Variants in DLG2 observed in about 807,000 individuals in gnomAD.
The protein encoded by DLG2 is disks large homolog 2.
Under a neutral mutation model 132.5 loss-of-function variants are expected in DLG2, and 45 were observed. The observed-to-expected ratio is 0.34, with a 90% CI of 0.27 to 0.44. The LOEUF (loss-of-function observed/expected upper bound fraction) is 0.44. DLG2 is among the 20% of genes least tolerant of loss of function. DLG2 has a pLI of 1.00. For missense variants in DLG2, 1,045 were observed against 1,196.9 expected (o/e 0.87, Z 1.87); for synonymous variants, 424 against 419.6 (o/e 1.01, Z -0.13).
At chr11:84,303,588 A>G (rs1270911718) in intron 7 of DLG2, among the ~76,000 whole-genome samples, 1 of 152,216 alleles carries the variant, frequency 6.6e-6, no homozygotes, top group Non-Finnish European at 1.5e-5. Context: ...GTAAGATCAA[A>G]ATTTTTGTCC....
At chr11:85,426,889 G>C (rs1452143230) in intron 3 of DLG2, among the ~76,000 whole-genome samples, 1 of 152,132 alleles carries the variant, frequency 6.6e-6, no homozygotes, top group Admixed American at 6.5e-5. Flanking sequence ...AAAAAAATTA[G>C]ACGAATGGCT....
chr11:83,734,554 G>A (rs2091618391), intron 18 of DLG2, among the ~76,000 whole-genome samples: 2 of 152,022 alleles, frequency 1.3e-5, no homozygotes, highest in Admixed American at 1.3e-4. Flanking sequence ...AGGTTCAAGC[G>A]ATTCTTCTTC....
intron 3 of DLG2, among the ~76,000 whole-genome samples, chr11:85,559,934 C>G (rs1276176410): frequency 1.5e-4 from 23 of 151,458 alleles, no homozygotes; most frequent in Non-Finnish European, 1.2e-4. Context: ...AAGCAGAACA[C>G]TCAAGAAAAT....
intron 11 of DLG2, among the ~76,000 whole-genome samples, chr11:84,040,260 A>T (rs2096026824): frequency 1.3e-5 from 2 of 151,984 alleles, no homozygotes; most frequent in Non-Finnish European, 2.9e-5. Context: ...TTTTGTTGCC[A>T]TTGCTTTTGG....
intron 7 of DLG2, among the ~76,000 whole-genome samples, chr11:84,337,780 A>G (rs925373626): frequency 2.6e-5 from 4 of 152,198 alleles, no homozygotes; most frequent in African/African-American, 9.7e-5. Context: ...ATAAGAATTT[A>G]TTAGGCAGAA....
chr11:84,841,482 T>C (rs892382270), intron 6 of DLG2, among the ~76,000 whole-genome samples: 20 of 152,032 alleles, frequency 1.3e-4, no homozygotes, highest in African/African-American at 4.8e-4. Flanking sequence ...ATCTGAAAAA[T>C]TAAACATTAC....
intron 7 of DLG2, among the ~76,000 whole-genome samples, chr11:84,454,388 C>T (rs571903299): frequency 6.6e-4 from 100 of 151,496 alleles, no homozygotes; most frequent in Middle Eastern, 3.4e-3. Flanking sequence ...ATAGAACAAT[C>T]GCTTTGGGAA....
chr11:84,207,349 GA>G (rs931100301), intron 8 of DLG2, among the ~76,000 whole-genome samples: 17 of 148,748 alleles, frequency 1.1e-4, no homozygotes, highest in African/African-American at 3.0e-4. Flanking sequence ...AATCTTGAAA[GA>G]AAAAAAAAAT....
intron 4 of DLG2, among the ~76,000 whole-genome samples, chr11:85,220,629 G>GAAAAAAAAA (rs568361391): frequency 3.5e-5 from 5 of 144,470 alleles, no homozygotes; most frequent in African/African-American, 1.3e-4. Context: ...ATATCAAATA[G>GAAAAAAAAA]AAAAAAAAAT....
chr11:85,500,701 C>T (rs1424836072), intron 3 of DLG2, among the ~76,000 whole-genome samples: 1 of 152,132 alleles, frequency 6.6e-6, no homozygotes, highest in South Asian at 2.1e-4. Flanking sequence ...CTTAGGAATA[C>T]AACTTATAAG....
intron 6 of DLG2, among the ~76,000 whole-genome samples, chr11:84,679,269 GA>G (rs1395171892): frequency 6.6e-6 from 1 of 151,924 alleles, no homozygotes; most frequent in Non-Finnish European, 1.5e-5. Flanking sequence ...TGTCTGCAAA[GA>G]AAATATAATG....
chr11:85,465,763 C>T (rs2092768223), intron 3 of DLG2, among the ~76,000 whole-genome samples: 1 of 152,050 alleles, frequency 6.6e-6, no homozygotes, highest in South Asian at 2.1e-4. Flanking sequence ...CCACAATAAA[C>T]ATATGTGTGC....
At chr11:84,497,772 T>C (rs186215753) in intron 7 of DLG2, among the ~76,000 whole-genome samples, 11 of 152,144 alleles carry the variant, frequency 7.2e-5, no homozygotes, top group African/African-American at 1.4e-4. Flanking sequence ...ATCAATGACA[T>C]TCACATGCCG....
intron 3 of DLG2, among the ~76,000 whole-genome samples, chr11:85,310,817 A>G (rs2080267264): frequency 6.6e-6 from 1 of 152,224 alleles, no homozygotes; most frequent in Non-Finnish European, 1.5e-5. Flanking sequence ...CTAAGTGACT[A>G]CAACAAGCAA....
At chr11:84,743,134 G>A (rs774180116) in intron 6 of DLG2, among the ~76,000 whole-genome samples, 1 of 152,096 alleles carries the variant, frequency 6.6e-6, no homozygotes, top group Non-Finnish European at 1.5e-5. Flanking sequence ...TATGTTTACT[G>A]TACCATCCAC....
At chr11:84,091,235 T>A (rs561321868) in intron 10 of DLG2, among the ~76,000 whole-genome samples, 1 of 152,308 alleles carries the variant, frequency 6.6e-6, no homozygotes, top group Non-Finnish European at 1.5e-5. Context: ...TTCAGAGAAA[T>A]TCATCTAAAC....
chr11:83,881,266 C>A (rs983806477), intron 15 of DLG2, among the ~76,000 whole-genome samples: 1 of 152,150 alleles, frequency 6.6e-6, no homozygotes, highest in African/African-American at 2.4e-5. Flanking sequence ...TTAGAGTCCA[C>A]TGAACCTCTT....
intron 10 of DLG2, among the ~76,000 whole-genome samples, chr11:84,072,373 A>G (rs944560132): frequency 3.9e-5 from 6 of 152,256 alleles, no homozygotes; most frequent in African/African-American, 1.4e-4. Context: ...CTTTAAAGAC[A>G]AATGCATATC....
chr11:83,637,713 T>C (rs2065221888), intron 18 of DLG2, among the ~76,000 whole-genome samples: 1 of 152,178 alleles, frequency 6.6e-6, no homozygotes, highest in Non-Finnish European at 1.5e-5. Context: ...TCTTGACATC[T>C]TGCTCTTCTT....
Sources: allele counts gnomAD v4.1 joint callset (sites outside exome capture counted in the v4.1 genomes callset), GRCh38; gene constraint gnomAD v4.1.1; transcripts MANE v1.5; gene names NCBI Gene and HGNC (gene_info 2026-07-23, HGNC 2026-07-21).